The following FOXP1 variants were observed in gnomAD, a reference collection of about 807,000 sequenced individuals.
FOXP1 encodes forkhead box P1, also known as forkhead box protein P1.
A neutral mutation model predicts 98.2 loss-of-function variants in FOXP1; 15 were observed. The ratio of observed to expected loss-of-function variants is 0.15; its 90% CI spans 0.10 to 0.24. The LOEUF is 0.24. FOXP1 is among the 10% of genes least tolerant of loss of function. The probability of loss-of-function intolerance (pLI) is 1.00; values close to 1 mark genes in which losing one functional copy is unlikely to be tolerated. For synonymous variants in FOXP1, 371 were observed against 314.5 expected (o/e 1.18, Z -1.90); for missense variants, 633 against 848.5 (o/e 0.75, Z 3.15).
At chr3:71,158,727 CAAAA>C (rs71104421) in intron 6 of FOXP1, among the ~76,000 whole-genome samples, 8 of 113,090 alleles carry the variant, frequency 7.1e-5, no homozygotes, top group Non-Finnish European at 9.1e-5. Context: ...GCCCACAGAC[CAAAA>C]AAAAAAAAAA....
chr3:70,991,553 A>C (rs2040604701), intron 13 of FOXP1, among the ~76,000 whole-genome samples: 1 of 152,220 alleles, frequency 6.6e-6, no homozygotes, highest in Admixed American at 6.5e-5. Flanking sequence ...CTATGTTGTC[A>C]GGAGGACTAA....
rs73119643 is a variant in FOXP1 at position 71,027,738 on chromosome 3, T to C, written c.870-12085A>G. Among the ~76,000 whole-genome samples the C allele has an allele frequency of 1.1e-3, 171 of 152,338 alleles. 1 individual carries two copies. Among genetic ancestry groups the C allele is most frequent in the Non-Finnish European group, 1.8e-3 (124 of 68,042 alleles). On this transcript the variant is annotated intron_variant, in intron 11 of 20. Coordinates refer to ENST00000649528, the MANE Select transcript of FOXP1 (RefSeq NM_001349338.3). ...ATTAATATTAGAACTTGAAAATGTA[T>C]ATATACATTTCTCACCCTCTTAGCC...
At chr3:70,963,710 T>TG (rs2034103235) in intron 20 of FOXP1, among the ~76,000 whole-genome samples, 1 of 152,228 alleles carries the variant, frequency 6.6e-6, no homozygotes, top group Admixed American at 6.5e-5. Context: ...CATTGTGTTC[T>TG]GGGGGTGTCT....
At chr3:70,996,716 T>C (rs2041418704) in intron 13 of FOXP1, among the ~76,000 whole-genome samples, 1 of 152,168 alleles carries the variant, frequency 6.6e-6, no homozygotes, top group African/African-American at 2.4e-5. Flanking sequence ...GGAATCCTTT[T>C]ATGATGACCC....
chr3:71,028,471 T>A (rs566448696), intron 11 of FOXP1, among the ~76,000 whole-genome samples: 1 of 152,268 alleles, frequency 6.6e-6, no homozygotes, highest in African/African-American at 2.4e-5. Flanking sequence ...TCCAGGGGGA[T>A]TCTGAGGCAA....
chr3:71,037,955 C>T (rs1576352097), intron 11 of FOXP1, among the ~76,000 whole-genome samples: 1 of 152,158 alleles, frequency 6.6e-6, no homozygotes, highest in African/African-American at 2.4e-5. Context: ...AAGGGTTTAC[C>T]CTGAATGATT....
intron 12 of FOXP1, among the ~76,000 whole-genome samples, chr3:71,004,807 G>T (rs963483614): frequency 6.6e-6 from 1 of 152,074 alleles, no homozygotes; most frequent in Non-Finnish European, 1.5e-5. Context: ...ACAAGCTTTG[G>T]AATATTTTCT....
At chr3:71,411,471 C>T (rs1356835005) in intron 3 of FOXP1, among the ~76,000 whole-genome samples, 5 of 152,228 alleles carry the variant, frequency 3.3e-5, no homozygotes, top group African/African-American at 1.2e-4. Flanking sequence ...CACAGGCATC[C>T]GCCACCATGC....
intron 3 of FOXP1, among the ~76,000 whole-genome samples, chr3:71,400,218 C>T (rs2108204268): frequency 6.6e-6 from 1 of 152,176 alleles, no homozygotes; most frequent in East Asian, 1.9e-4. Flanking sequence ...GATATCATTA[C>T]CTGGCTGATT....
chr3:71,172,170 T>A (rs544986046), intron 6 of FOXP1, among the ~76,000 whole-genome samples: 39 of 152,290 alleles, frequency 2.6e-4, no homozygotes, highest in African/African-American at 9.4e-4. Context: ...ACTTTTTTTT[T>A]AATACAAGAA....
chr3:71,005,945 A>T (rs146442646), intron 12 of FOXP1, among the ~76,000 whole-genome samples: 1 of 152,128 alleles, frequency 6.6e-6, no homozygotes, highest in Non-Finnish European at 1.5e-5. Flanking sequence ...TTCTGGATTT[A>T]TATCTGTAAG....
chr3:71,231,717 T>C (rs1191556010), intron 5 of FOXP1, among the ~76,000 whole-genome samples: 4 of 152,214 alleles, frequency 2.6e-5, no homozygotes, highest in Non-Finnish European at 4.4e-5. Flanking sequence ...GATGAGTGAA[T>C]AGAAAAAGCC....
At chr3:71,045,439 G>A (rs114984048) in intron 10 of FOXP1, among the ~76,000 whole-genome samples, 5 of 152,132 alleles carry the variant, frequency 3.3e-5, no homozygotes, top group Non-Finnish European at 7.4e-5. Context: ...GCTCAAGTCC[G>A]GTAGGTGTGT....
chr3:71,063,661 T>C (rs1235889037), intron 7 of FOXP1, among the ~76,000 whole-genome samples: 1 of 152,272 alleles, frequency 6.6e-6, no homozygotes, highest in Non-Finnish European at 1.5e-5. Context: ...ATTGATAGTA[T>C]GATTCACATT....
intron 3 of FOXP1, among the ~76,000 whole-genome samples, chr3:71,456,986 G>A (rs999005394): frequency 6.6e-6 from 1 of 151,984 alleles, no homozygotes; most frequent in African/African-American, 2.4e-5. Context: ...ACAAACACGA[G>A]TTCTCATGCT....
chr3:71,472,054 A>G (rs2089408607), intron 3 of FOXP1, among the ~76,000 whole-genome samples: 1 of 152,206 alleles, frequency 6.6e-6, no homozygotes. Context: ...TGAGTCACTA[A>G]AAGTCGATGC....
At chr3:71,396,950 G>A (rs1191582512) in intron 3 of FOXP1, among the ~76,000 whole-genome samples, 5 of 50,916 alleles carry the variant, frequency 9.8e-5, no homozygotes, top group African/African-American at 2.5e-4. Context: ...ATATATATGT[G>A]TATATATATA....
intron 4 of FOXP1, among the ~76,000 whole-genome samples, chr3:71,317,378 C>G (rs1164052461): frequency 3.3e-5 from 5 of 152,138 alleles, no homozygotes; most frequent in Admixed American, 2.0e-4. Context: ...TTATCCACAA[C>G]CGCATATTAA....
chr3:71,155,849 C>A (rs572626458), intron 6 of FOXP1, among the ~76,000 whole-genome samples: 12 of 152,200 alleles, frequency 7.9e-5, no homozygotes, highest in Non-Finnish European at 1.5e-4. Context: ...GAAAACTCCA[C>A]ATGTGAAACA....
Sources: allele counts gnomAD v4.1 joint callset (sites outside exome capture counted in the v4.1 genomes callset), GRCh38; gene constraint gnomAD v4.1.1; transcripts MANE v1.5; gene names NCBI Gene and HGNC (gene_info 2026-07-23, HGNC 2026-07-21).